Variants in SH3D19 observed in about 807,000 individuals in gnomAD.
The protein encoded by SH3D19 is SH3 domain containing 19.
A neutral mutation model predicts 112.1 loss-of-function variants in SH3D19; 58 were observed. The ratio of observed to expected loss-of-function variants is 0.52; its 90% confidence interval spans 0.42 to 0.64. SH3D19 has a LOEUF of 0.64. Among genes scored for constraint, SH3D19 ranks in the 30% least tolerant of loss-of-function variants. The pLI, the probability that SH3D19 is intolerant of heterozygous loss-of-function variation, is 0.00. For synonymous variants in SH3D19, 391 were observed against 448.5 expected (o/e 0.87, Z 1.62); for missense variants, 1,090 against 1,263.4 (o/e 0.86, Z 2.08).
chr4:151,120,773 A>C lies in SH3D19; in HGVS notation c.*1318T>G, dbSNP rs979789428. 13 of 152,604 alleles carry C rather than the reference A, an allele frequency of 8.5e-5. No individual in the cohort carries two copies. The highest frequency in any genetic ancestry group is 2.9e-4 in the African/African-American group (12 of 41,458). The allele number at this position is 152,604 out of a possible 1,614,324, so 9.5% of individuals were successfully genotyped here. ...CTTTTTGGACAATGGGAAAAAAAAA[A>C]CAATAAAAGCTAAAATGTGGTCCAG... On this transcript the variant is annotated 3_prime_UTR_variant, in exon 20 of 20. Coordinates refer to ENST00000604030, the MANE Select transcript of SH3D19 (RefSeq NM_001378122.1).
chr4:151,135,524 C>T (rs1402599509), intron 14 of SH3D19, among the ~76,000 whole-genome samples: 1 of 150,940 alleles, frequency 6.6e-6, no homozygotes, highest in Non-Finnish European at 1.5e-5. Context: ...ACCTCCCAGC[C>T]TCAAGTGATC....
chr4:151,191,953 T>TTTTC (rs1762728848), intron 2 of SH3D19, among the ~76,000 whole-genome samples: 2 of 7,738 alleles, frequency 2.6e-4, no homozygotes, highest in Admixed American at 2.8e-3. Context: ...CCCTTTTTTT[T>TTTTC]TTTTTTTTTT....
intron 1 of SH3D19, among the ~76,000 whole-genome samples, chr4:151,273,913 T>C (rs1316711899): frequency 1.3e-5 from 2 of 152,198 alleles, no homozygotes; most frequent in Non-Finnish European, 2.9e-5. Context: ...AGAAATCTTT[T>C]TCTTCAATGA....
At chr4:151,291,277 A>C (rs774995588) in intron 1 of SH3D19, 2 of 1,613,996 alleles carry the variant, frequency 1.2e-6, no homozygotes, top group Admixed American at 3.3e-5. Flanking sequence ...AAGAGCCAAC[A>C]ATCTAGACTT....
At chr4:151,254,926 A>T (rs377587579) in intron 1 of SH3D19, among the ~76,000 whole-genome samples, 5 of 136,520 alleles carry the variant, frequency 3.7e-5, no homozygotes, top group Non-Finnish European at 3.2e-5. Context: ...ACCTCCCGGG[A>T]GGGGCGGCTG....
Position 151,136,718 on chromosome 4 carries a change from A to G in SH3D19, c.2427+1014T>C, listed in dbSNP as rs139682036. ...ATTGTGCTTTTTAAAGTACTGCTAC[A>G]TTGGGCAGAAGAAAAATGAGGAAGA... On this transcript the variant is annotated intron_variant, in intron 14 of 19. Transcript: ENST00000604030. Among the ~76,000 whole-genome samples, 8 of 152,340 alleles carry G rather than the reference A, an allele frequency of 5.3e-5. No individual in the cohort carries two copies. The East Asian group carries it at 1.5e-3, about 29-fold the overall frequency.
chr4:151,149,415 G>T, intron 10 of SH3D19, 85 bp downstream of exon 10: 1 of 1,100,214 alleles, frequency 9.1e-7, no homozygotes. Flanking sequence ...AAGATTCAAG[G>T]CCAACAACAC....
intron 1 of SH3D19, among the ~76,000 whole-genome samples, chr4:151,277,693 T>C (rs1364176981): frequency 6.6e-6 from 1 of 152,132 alleles, no homozygotes; most frequent in Non-Finnish European, 1.5e-5. Flanking sequence ...CACTATTCTA[T>C]GATTTCAGGT....
chr4:151,206,045 T>C (rs1765058960), intron 2 of SH3D19, among the ~76,000 whole-genome samples: 1 of 152,118 alleles, frequency 6.6e-6, no homozygotes, highest in African/African-American at 2.4e-5. Context: ...TAGGTGAGAA[T>C]TGTGATTTAA....
intron 9 of SH3D19, among the ~76,000 whole-genome samples, chr4:151,153,293 G>A (rs1755426352): frequency 6.6e-6 from 1 of 151,838 alleles, no homozygotes; most frequent in African/African-American, 2.4e-5. Context: ...TGTTGTCCAG[G>A]CTGGAGTACA....
rs1394726630 is a variant in SH3D19, at chr4:151,132,354, C to CT, written c.2718dup (p.Glu907ArgfsTer10). On this transcript the variant is annotated frameshift_variant, in exon 17 of 20. Transcript: ENST00000604030. LOFTEE classifies it high-confidence loss of function. ...ACCTGAGAGTTTGAGCCAGAATCTTCTTTTTTGGTTTTCAGTGGTACCTTT... is the reference window on the plus strand; with the variant it reads ...ACCTGAGAGTTTGAGCCAGAATCTTCTTTTTTTGGTTTTCAGTGGTACCTTT... The CT allele has an allele frequency of 6.2e-7, 1 of 1,613,892 alleles. No homozygotes were observed. Among genetic ancestry groups the CT allele is most frequent in the Admixed American group, 1.7e-5 (1 of 59,988 alleles).
chr4:151,248,013 A>G (rs775322547), intron 1 of SH3D19, among the ~76,000 whole-genome samples: 13 of 152,204 alleles, frequency 8.5e-5, no homozygotes, highest in Non-Finnish European at 1.9e-4. Flanking sequence ...TAATATCAAA[A>G]TATGATCACA....
At chr4:151,169,215 A>T (rs1579930674) in intron 7 of SH3D19, among the ~76,000 whole-genome samples, 1 of 152,180 alleles carries the variant, frequency 6.6e-6, no homozygotes, top group Non-Finnish European at 1.5e-5. Context: ...CATTTTTTTA[A>T]TTTTTAATAC....
At chr4:151,217,309 A>C (rs1195396795) in intron 2 of SH3D19, among the ~76,000 whole-genome samples, 1 of 152,226 alleles carries the variant, frequency 6.6e-6, no homozygotes, top group Non-Finnish European at 1.5e-5. Context: ...AAAGTGTCAA[A>C]ATAAAATCTT....
chr4:151,130,477 CAAAAACAACAAAAAACT>C (rs1417349774), intron 17 of SH3D19, among the ~76,000 whole-genome samples: 2 of 151,688 alleles, frequency 1.3e-5, no homozygotes, highest in African/African-American at 2.4e-5. Flanking sequence ...AAAATAAAAC[CAAAAACAACAAAAAACT>C]AAAAACAACA....
Position 151,194,016 on chromosome 4 carries a change from A to ATTTTTTT in SH3D19, c.153-6560_153-6554dup, listed in dbSNP as rs201719037. ...GATGTGTAGCAGTATAGTAGGATTA[A>ATTTTTTT]TTTTTTTTTTTTTTTTTTTTTTTTT... On this transcript the variant is annotated intron_variant, in intron 2 of 19. Coordinates refer to ENST00000604030, the MANE Select transcript of SH3D19 (RefSeq NM_001378122.1). 3.9e-4 allele frequency among the ~76,000 whole-genome samples: 44 copies of ATTTTTTT among 111,886 alleles called. 1 individual carries two copies. Among genetic ancestry groups the ATTTTTTT allele is most frequent in the African/African-American group, 5.3e-4 (12 of 22,450 alleles). 73.4% of individuals were successfully genotyped at this position (111,886 alleles called of 152,430 possible). A position where few individuals can be genotyped will look rare whatever the true frequency, so the allele number is the denominator to read the frequency against.
Position 151,175,086 on chromosome 4 carries a change from G to A in SH3D19, c.1118C>T (p.Ala373Val), listed in dbSNP as rs200501776. Reference sequence around the variant, plus strand: ...AGGTTTGGTTACTGGGATGCTTCCCGCTTCTTGCAGGGGAGGGTATGGGGT... The same window carrying A: ...AGGTTTGGTTACTGGGATGCTTCCCACTTCTTGCAGGGGAGGGTATGGGGT... ...GLTPYPPLQE[A>V]GSIPVTKPEL... Residue 373 changes from alanine to valine, a missense_variant, in exon 7 of 20, where the codon GCG (alanine) becomes GTG (valine). By Grantham distance (64) the Ala-to-Val change is moderately conservative (BLOSUM62 0). Transcript: ENST00000604030. 3.4e-5 allele frequency: 55 copies of A among 1,614,112 alleles called. No homozygotes were observed. The highest frequency in any genetic ancestry group is 1.2e-4 in the South Asian group (11 of 91,076).
At chr4:151,135,762 C>A (rs903462843) in intron 14 of SH3D19, among the ~76,000 whole-genome samples, 37 of 152,126 alleles carry the variant, frequency 2.4e-4, no homozygotes, top group African/African-American at 8.9e-4. Context: ...TTGAAAACTG[C>A]AGCTGAGAAG....
chr4:151,229,694 C>A (rs908445074), intron 1 of SH3D19, among the ~76,000 whole-genome samples: 12 of 152,118 alleles, frequency 7.9e-5, no homozygotes, highest in African/African-American at 2.9e-4. Flanking sequence ...GGGTGGATCA[C>A]CTGAGGTCAG....
Sources: allele counts gnomAD v4.1 joint callset (sites outside exome capture counted in the v4.1 genomes callset), GRCh38; gene constraint gnomAD v4.1.1; transcripts MANE v1.5; gene names NCBI Gene and HGNC (gene_info 2026-07-23, HGNC 2026-07-21).